Variants in ACER3 observed in about 807,000 individuals in gnomAD.
ACER3 encodes the protein alkaline ceramidase 3, also known as alkCDase 3.
ACER3 carries 16 observed loss-of-function variants against 48.9 expected under a neutral mutation model. The observed-to-expected ratio is 0.33, with a 90% CI of 0.22 to 0.50. The LOEUF (loss-of-function observed/expected upper bound fraction) is 0.50, where lower values mean the gene tolerates loss of function less well. Among genes scored for constraint, ACER3 ranks in the 20% least tolerant of loss-of-function variants. The probability of loss-of-function intolerance (pLI) is 0.98; values close to 1 mark genes in which losing one functional copy is unlikely to be tolerated. For missense variants in ACER3, 227 were observed against 326.0 expected, an observed-to-expected ratio of 0.70 and a Z score of 2.34; for synonymous variants, 109 against 107.8, an observed-to-expected ratio of 1.01 and a Z score of -0.07.
At chr11:76,958,360 T>A (rs530728631) in intron 2 of ACER3, among the ~76,000 whole-genome samples, 2 of 151,332 alleles carry the variant, frequency 1.3e-5, no homozygotes, top group South Asian at 4.2e-4. Context: ...CTAATTTTTG[T>A]ATTTTTAGTA....
In ACER3 at chr11:76,887,811, C is replaced by CTTT. The variant is rs67954212; in HGVS notation, c.103+26754_103+26756dup. Among the ~76,000 whole-genome samples, 33 of 87,188 alleles carry CTTT rather than the reference C, an allele frequency of 3.8e-4. 1 individual carries two copies. The highest frequency in any genetic ancestry group is 6.5e-4 in the African/African-American group (16 of 24,488). 57.2% of individuals were successfully genotyped at this position (87,188 alleles called of 152,430 possible). On this transcript the variant is annotated intron_variant, in intron 1 of 10. Coordinates refer to ENST00000532485, the MANE Select transcript of ACER3 (RefSeq NM_018367.7). The stretch of plus-strand genomic sequence containing the variant: ...TGTGGATGTTAATTACTATAGGTAA[C>CTTT]TTTTTTTTTTTTTTTTTTTTTTTTG...
At chr11:76,997,888 A>G (rs1669094361) in intron 6 of ACER3, among the ~76,000 whole-genome samples, 1 of 152,186 alleles carries the variant, frequency 6.6e-6, no homozygotes, top group Non-Finnish European at 1.5e-5. Context: ...TTATAACTCA[A>G]AAGCAAACAG....
chr11:76,918,514 T>G (rs1467515672), intron 1 of ACER3, among the ~76,000 whole-genome samples: 2 of 152,046 alleles, frequency 1.3e-5, no homozygotes, highest in Non-Finnish European at 2.9e-5. Context: ...CGTTTTTTAC[T>G]TTTTATTTAT....
chr11:76,965,667 G>A (rs1591002896), intron 3 of ACER3, among the ~76,000 whole-genome samples: 1 of 151,106 alleles, frequency 6.6e-6, no homozygotes, highest in African/African-American at 2.5e-5. Flanking sequence ...CATTCTTAAA[G>A]GAAAGAATTT....
chr11:76,876,670 G>A (rs932696607), intron 1 of ACER3, among the ~76,000 whole-genome samples: 2 of 152,134 alleles, frequency 1.3e-5, no homozygotes, highest in Non-Finnish European at 2.9e-5. Context: ...TACACACAGA[G>A]CATTTGATCC....
intron 1 of ACER3, among the ~76,000 whole-genome samples, chr11:76,875,107 CTTTTTTTT>C (rs10676364): frequency 0.011 from 875 of 78,146 alleles, 17 homozygotes; most frequent in African/African-American, 0.029. Context: ...AAAAGCACTT[CTTTTTTTT>C]TTTTTTTTTT....
intron 1 of ACER3, among the ~76,000 whole-genome samples, chr11:76,880,081 A>G (rs1446067820): frequency 2.6e-5 from 4 of 151,764 alleles, no homozygotes; most frequent in Non-Finnish European, 4.4e-5. Context: ...CTCTTTTTTG[A>G]TGATTAATCA....
intron 2 of ACER3, among the ~76,000 whole-genome samples, chr11:76,944,061 A>G (rs1348417055): frequency 6.6e-6 from 1 of 151,678 alleles, no homozygotes; most frequent in Non-Finnish European, 1.5e-5. Context: ...AGGTAAGGTG[A>G]GTTTCTTGTA....
At chr11:76,981,410 A>T (rs1232031397) in intron 4 of ACER3, among the ~76,000 whole-genome samples, 1 of 152,234 alleles carries the variant, frequency 6.6e-6, no homozygotes, top group African/African-American at 2.4e-5. Flanking sequence ...AAATGCACCC[A>T]GTTTAAGTGT....
chr11:76,887,811 CTTTTTTTTT>C (rs67954212), intron 1 of ACER3, among the ~76,000 whole-genome samples: 1 of 87,200 alleles, frequency 1.1e-5, no homozygotes, highest in Non-Finnish European at 2.3e-5. Context: ...CTATAGGTAA[CTTTTTTTTT>C]TTTTTTTTTT....
chr11:77,016,062 G>A (rs192288730), intron 8 of ACER3, among the ~76,000 whole-genome samples: 14 of 148,552 alleles, frequency 9.4e-5, no homozygotes, highest in Non-Finnish European at 1.8e-4. Flanking sequence ...AGCCGAGATC[G>A]TGCTACTGTA....
chr11:76,952,126 T>TTA (rs60620382), intron 2 of ACER3, among the ~76,000 whole-genome samples: 26 of 148,350 alleles, frequency 1.8e-4, no homozygotes, highest in East Asian at 1.2e-3. Flanking sequence ...AGAAAAAATA[T>TTA]TATATATATA....
At chr11:76,949,728 G>T (rs1947585911) in intron 2 of ACER3, among the ~76,000 whole-genome samples, 1 of 152,142 alleles carries the variant, frequency 6.6e-6, no homozygotes, top group Admixed American at 6.5e-5. Flanking sequence ...ATAAATTGTA[G>T]TGTGTCAGTA....
chr11:76,917,803 GT>G (rs1946572276), intron 1 of ACER3, among the ~76,000 whole-genome samples: 2 of 149,294 alleles, frequency 1.3e-5, no homozygotes, highest in Non-Finnish European at 3.0e-5. Context: ...CGAGGCTGCA[GT>G]AAGCCATGAT....
chr11:76,991,815 C>CTAA (rs1948808971), intron 6 of ACER3, among the ~76,000 whole-genome samples: 1 of 123,290 alleles, frequency 8.1e-6, no homozygotes, highest in Admixed American at 8.6e-5. Flanking sequence ...AACTCTGTCT[C>CTAA]AAAAAAAAAA....
chr11:76,958,691 A>G (rs1160476959), intron 2 of ACER3: 2 of 418,358 alleles, frequency 4.8e-6, no homozygotes, highest in East Asian at 1.0e-4. Context: ...TGTGCATTAA[A>G]ACTTATCCTG....
intron 3 of ACER3, among the ~76,000 whole-genome samples, chr11:76,974,038 G>T (rs1052224017): frequency 2.0e-5 from 3 of 152,032 alleles, no homozygotes; most frequent in African/African-American, 7.2e-5. Context: ...GGTCATAAAT[G>T]TGTGAGTTTA....
intron 1 of ACER3, among the ~76,000 whole-genome samples, chr11:76,926,275 G>A (rs1369569582): frequency 2.6e-5 from 4 of 152,056 alleles, no homozygotes; most frequent in South Asian, 2.1e-4. Flanking sequence ...AGGTTCTTCC[G>A]GAGATCTTTT....
At chr11:77,002,134 A>G (rs1663957669) in intron 7 of ACER3, among the ~76,000 whole-genome samples, 1 of 136,638 alleles carries the variant, frequency 7.3e-6, no homozygotes, top group African/African-American at 2.7e-5. Context: ...ATTTTAACTT[A>G]ATTATCTCTT....
Sources: allele counts gnomAD v4.1 joint callset (sites outside exome capture counted in the v4.1 genomes callset), GRCh38; gene constraint gnomAD v4.1.1; transcripts MANE v1.5; gene names NCBI Gene and HGNC (gene_info 2026-07-23, HGNC 2026-07-21).